Variants in NT5C3A observed in about 807,000 individuals in gnomAD.
NT5C3A encodes the protein 5'-nucleotidase, cytosolic IIIA.
In NT5C3A, 23 loss-of-function variants were observed where a neutral mutation model predicts 40.0. That is an observed-to-expected ratio of 0.58 (90% CI 0.41 to 0.81). NT5C3A has a LOEUF of 0.81. NT5C3A is among the 40% of genes least tolerant of loss of function. The pLI, the probability that NT5C3A is intolerant of heterozygous loss-of-function variation, is 0.00. For missense variants in NT5C3A, 328 were observed against 403.0 expected (o/e 0.81, Z 1.59); for synonymous variants, 130 against 141.4 (o/e 0.92, Z 0.57).
intron 1 of NT5C3A, among the ~76,000 whole-genome samples, chr7:33,047,118 A>ATT (rs149518111): frequency 6.6e-6 from 1 of 152,202 alleles, no homozygotes; most frequent in African/African-American, 2.4e-5. Context: ...ATGAAACAAG[A>ATT]TGAAAAGCTT....
At chr7:33,031,139 T>C (rs1217330548) in intron 1 of NT5C3A, among the ~76,000 whole-genome samples, 4 of 149,114 alleles carry the variant, frequency 2.7e-5, no homozygotes, top group Non-Finnish European at 4.4e-5. Context: ...AGCTCCATAG[T>C]ACAGTTACCA....
intron 1 of NT5C3A, among the ~76,000 whole-genome samples, chr7:33,028,407 A>C (rs1266338228): frequency 2.0e-5 from 3 of 152,246 alleles, no homozygotes; most frequent in Non-Finnish European, 4.4e-5. Flanking sequence ...AATCAGTACA[A>C]GCTCTCATAG....
At chr7:33,056,774 T>C (rs2128019801) in intron 1 of NT5C3A, among the ~76,000 whole-genome samples, 1 of 152,296 alleles carries the variant, frequency 6.6e-6, no homozygotes, top group East Asian at 1.9e-4. Flanking sequence ...TAGTGGGCTT[T>C]CGATTCACTC....
chr7:33,022,361 A>T (rs1785673278), intron 3 of NT5C3A, among the ~76,000 whole-genome samples: 1 of 152,328 alleles, frequency 6.6e-6, no homozygotes, highest in Admixed American at 6.5e-5. Context: ...GAGATAGACA[A>T]TTCAATATCT....
chr7:33,058,337 A>AT (rs1256589623), intron 1 of NT5C3A, among the ~76,000 whole-genome samples: 2 of 138,714 alleles, frequency 1.4e-5, no homozygotes, highest in African/African-American at 2.6e-5. Context: ...CACTTTTATT[A>AT]TTTTTTTATT....
chr7:33,038,499 T>C (rs1399883473), intron 1 of NT5C3A, among the ~76,000 whole-genome samples: 3 of 135,580 alleles, frequency 2.2e-5, no homozygotes, highest in African/African-American at 5.7e-5. Context: ...CTTTAGGACC[T>C]TTTTTTTTTT....
intron 1 of NT5C3A, among the ~76,000 whole-genome samples, chr7:33,043,576 T>C (rs1252381022): frequency 6.6e-6 from 1 of 152,186 alleles, no homozygotes; most frequent in African/African-American, 2.4e-5. Flanking sequence ...AAACACTTTA[T>C]GGCATGAAAA....
chr7:33,054,321 T>A (rs1787485250), intron 1 of NT5C3A, among the ~76,000 whole-genome samples: 1 of 150,208 alleles, frequency 6.7e-6, no homozygotes, highest in Admixed American at 6.6e-5. Flanking sequence ...GCCACTGCAC[T>A]CCAGCCTGGG....
chr7:33,019,834 A>G, intron 5 of NT5C3A, 110 bp from the exon 6 acceptor site: 1 of 719,050 alleles, frequency 1.4e-6, no homozygotes, highest in Non-Finnish European at 2.5e-6. Flanking sequence ...TCATATTTGG[A>G]TTTAAATTTT....
intron 1 of NT5C3A, among the ~76,000 whole-genome samples, chr7:33,056,195 A>C (rs1168199756): frequency 6.6e-6 from 1 of 152,162 alleles, no homozygotes; most frequent in Non-Finnish European, 1.5e-5. Flanking sequence ...CACTGTATAA[A>C]TTGCTAAATT....
intron 1 of NT5C3A, among the ~76,000 whole-genome samples, chr7:33,051,352 T>TG (rs759525035): frequency 1.3e-5 from 2 of 151,986 alleles, no homozygotes; most frequent in Non-Finnish European, 2.9e-5. Context: ...TTAGTATAGA[T>TG]GGGGTTTCAC....
At chr7:33,062,115 ACT>A (rs1220247708) in intron 1 of NT5C3A, among the ~76,000 whole-genome samples, 2 of 152,076 alleles carry the variant, frequency 1.3e-5, no homozygotes, top group Non-Finnish European at 2.9e-5. Context: ...CCAACATAAA[ACT>A]AGTCCTCTGC....
At chr7:33,031,494 G>A (rs1309502129) in intron 1 of NT5C3A, among the ~76,000 whole-genome samples, 2 of 151,922 alleles carry the variant, frequency 1.3e-5, no homozygotes, top group East Asian at 3.9e-4. Flanking sequence ...GGCTAAGGTG[G>A]GAGGATTGCC....
At chr7:33,022,976 G>A (rs1371306690) in intron 3 of NT5C3A, among the ~76,000 whole-genome samples, 1 of 149,986 alleles carries the variant, frequency 6.7e-6, no homozygotes, top group Admixed American at 6.6e-5. Context: ...GGAGTGCAGT[G>A]GTGCGATTAT....
In NT5C3A at chr7:33,036,183, C is replaced by T. The variant is rs78507084; in HGVS notation, c.139-9268G>A. 38,876 of 590,268 alleles carry T rather than the reference C, an allele frequency of 0.066. 1,557 individuals carry two copies. The highest frequency in any genetic ancestry group is 0.15 in the East Asian group (4,992 of 33,938). The allele number at this position is 590,268 out of a possible 1,614,324, so 36.6% of individuals were successfully genotyped here. On this transcript the variant is annotated intron_variant, in intron 1 of 8. Transcript: ENST00000610140. ...CATGGTTTCTTTCATTGGGTGGATG[C>T]CTTGGATAATCCATTCAAGGAAGAT...
chr7:33,022,690 A>C (rs1410584066), intron 3 of NT5C3A, among the ~76,000 whole-genome samples: 1 of 152,082 alleles, frequency 6.6e-6, no homozygotes, highest in Non-Finnish European at 1.5e-5. Context: ...TGTAGTCTGC[A>C]TTTTTCCATG....
intron 1 of NT5C3A, 125 bp downstream of exon 1, chr7:33,062,443 C>T: frequency 1.2e-6 from 1 of 863,258 alleles, no homozygotes; most frequent in Non-Finnish European, 1.8e-6. Context: ...GAGATCCCAG[C>T]CTGACAGGCG....
At chr7:33,021,459 G>T in intron 4 of NT5C3A, 102 bp from the exon 5 acceptor site, 1 of 1,396,892 alleles carries the variant, frequency 7.2e-7, no homozygotes, top group Non-Finnish European at 9.7e-7. Context: ...TCAACAAACT[G>T]CTTTAAAAGT....
At chr7:33,053,977 CAA>C (rs1787471585) in intron 1 of NT5C3A, among the ~76,000 whole-genome samples, 1 of 152,110 alleles carries the variant, frequency 6.6e-6, no homozygotes, top group Non-Finnish European at 1.5e-5. Flanking sequence ...TTTGAAAGGA[CAA>C]AGTCATACAT....
Sources: gnomAD v4.1 joint callset for allele counts (sites outside exome capture counted in the v4.1 genomes callset) on GRCh38, gnomAD v4.1.1 for gene constraint, MANE v1.5 for transcripts, NCBI Gene and HGNC (gene_info 2026-07-23, HGNC 2026-07-21) for gene names.